Variants in ERBB4 observed in about 807,000 individuals in gnomAD.
ERBB4 encodes the protein erb-b2 receptor tyrosine kinase 4, also known as receptor tyrosine-protein kinase erbB-4.
ERBB4 carries 42 observed loss-of-function variants against 158.0 expected under a neutral mutation model. The ratio of observed to expected loss-of-function variants is 0.27; its 90% CI spans 0.21 to 0.34. The LOEUF is 0.34. Ranked by LOEUF, ERBB4 falls within the 10% of genes least tolerant of loss-of-function variation. The probability of loss-of-function intolerance (pLI) is 1.00; values close to 1 mark genes in which losing one functional copy is unlikely to be tolerated. For synonymous variants in ERBB4, 583 were observed against 558.7 expected (o/e 1.04, Z -0.61); for missense variants, 1,333 against 1,624.1 (o/e 0.82, Z 3.08).
At chr2:212,440,064 T>C (rs574339456) in intron 1 of ERBB4, among the ~76,000 whole-genome samples, 4 of 152,338 alleles carry the variant, frequency 2.6e-5, no homozygotes, top group African/African-American at 7.2e-5. Context: ...AGTAGAAAGA[T>C]AGTAACAATA....
chr2:211,387,271 G>C (rs572076463), intron 26 of ERBB4, 121 bp from the exon 27 acceptor site: 2 of 878,838 alleles, frequency 2.3e-6, no homozygotes, highest in Non-Finnish European at 3.8e-6. Context: ...GTATTTACTG[G>C]TTTTTTTTCC....
At chr2:212,289,174 A>C (rs988458756) in intron 1 of ERBB4, among the ~76,000 whole-genome samples, 1 of 152,214 alleles carries the variant, frequency 6.6e-6, no homozygotes, top group Non-Finnish European at 1.5e-5. Context: ...ATTGCTTTCC[A>C]CTAATATTAA....
intron 2 of ERBB4, among the ~76,000 whole-genome samples, chr2:212,113,573 CAAAAAAAAAAAAAAAA>C (rs35545899): frequency 6.2e-5 from 4 of 64,244 alleles, no homozygotes; most frequent in South Asian, 7.9e-4. Flanking sequence ...GACTCCATCT[CAAAAAAAAAAAAAAAA>C]AAAAAAAAAA....
intron 2 of ERBB4, among the ~76,000 whole-genome samples, chr2:212,108,776 A>G (rs1211729337): frequency 6.8e-6 from 1 of 146,454 alleles, no homozygotes; most frequent in East Asian, 2.0e-4. Flanking sequence ...CTGAGGAAGT[A>G]GCGTCACATT....
At chr2:211,771,371 A>G (rs911432606) in intron 4 of ERBB4, among the ~76,000 whole-genome samples, 2 of 152,236 alleles carry the variant, frequency 1.3e-5, no homozygotes, top group African/African-American at 4.8e-5. Context: ...AACTGAATCT[A>G]AACATAGTTG....
At chr2:212,535,989 A>G (rs1394130621) in intron 1 of ERBB4, among the ~76,000 whole-genome samples, 1 of 152,224 alleles carries the variant, frequency 6.6e-6, no homozygotes, top group Non-Finnish European at 1.5e-5. Context: ...TAATAATGCG[A>G]GAAGCAGATT....
At chr2:211,977,158 G>A (rs954798329) in intron 2 of ERBB4, among the ~76,000 whole-genome samples, 26 of 152,088 alleles carry the variant, frequency 1.7e-4, no homozygotes, top group South Asian at 2.1e-4. Flanking sequence ...AAGTGCCAGT[G>A]GGCATACTGC....
intron 2 of ERBB4, among the ~76,000 whole-genome samples, chr2:212,116,737 T>C (rs1201920204): frequency 1.3e-5 from 2 of 152,174 alleles, no homozygotes; most frequent in Non-Finnish European, 2.9e-5. Flanking sequence ...CATCAGCCTA[T>C]TGAAAATATT....
intron 5 of ERBB4, among the ~76,000 whole-genome samples, chr2:211,741,733 T>C (rs1281161613): frequency 6.6e-6 from 1 of 152,182 alleles, no homozygotes; most frequent in African/African-American, 2.4e-5. Flanking sequence ...CATTAAGTAA[T>C]AGCTCCTGAA....
At chr2:211,959,262 T>G (rs972488588) in intron 2 of ERBB4, among the ~76,000 whole-genome samples, 2 of 152,098 alleles carry the variant, frequency 1.3e-5, no homozygotes, top group African/African-American at 4.8e-5. Flanking sequence ...TTCTTAATCT[T>G]ACGGTGGTTA....
intron 19 of ERBB4, among the ~76,000 whole-genome samples, chr2:211,575,618 T>C (rs2067866664): frequency 6.6e-6 from 1 of 152,220 alleles, no homozygotes; most frequent in Admixed American, 6.5e-5. Context: ...AAGGGAGATA[T>C]CTACTCTGCT....
intron 2 of ERBB4, among the ~76,000 whole-genome samples, chr2:212,005,644 CTA>C (rs1162464145): frequency 6.6e-6 from 1 of 152,070 alleles, no homozygotes; most frequent in Non-Finnish European, 1.5e-5. Context: ...TGTAGGAACA[CTA>C]TATGTAGTTC....
intron 1 of ERBB4, among the ~76,000 whole-genome samples, chr2:212,146,127 C>A (rs1355555924): frequency 5.9e-5 from 9 of 152,162 alleles, no homozygotes; most frequent in Non-Finnish European, 2.9e-5. Flanking sequence ...TATTGTTTGA[C>A]TTTGCTGTGG....
At chr2:212,293,847 C>CA (rs1201724620) in intron 1 of ERBB4, among the ~76,000 whole-genome samples, 12,540 of 63,700 alleles carry the variant, frequency 0.2, 2,865 homozygotes, top group African/African-American at 0.25. Context: ...GACTCTGTCT[C>CA]AAAAAAAAAA....
intron 3 of ERBB4, among the ~76,000 whole-genome samples, chr2:211,932,999 A>T (rs2080217911): frequency 1.3e-5 from 2 of 152,058 alleles, no homozygotes; most frequent in East Asian, 3.8e-4. Flanking sequence ...TAAATTATGC[A>T]CTGGTGATCT....
At chr2:211,601,074 T>C (rs574981894) in intron 19 of ERBB4, among the ~76,000 whole-genome samples, 1 of 152,186 alleles carries the variant, frequency 6.6e-6, no homozygotes, top group Non-Finnish European at 1.5e-5. Flanking sequence ...AAATAACATT[T>C]AAGAAATTAG....
chr2:211,796,947 T>G (rs758031119), intron 3 of ERBB4, among the ~76,000 whole-genome samples: 2 of 151,864 alleles, frequency 1.3e-5, no homozygotes, highest in Non-Finnish European at 2.9e-5. Context: ...TAGAAAAAAT[T>G]AAAACTACAT....
chr2:211,410,518 T>G (rs1574433941), intron 25 of ERBB4, among the ~76,000 whole-genome samples: 1 of 152,302 alleles, frequency 6.6e-6, no homozygotes, highest in African/African-American at 2.4e-5. Context: ...TCGAAAGGGA[T>G]ACAGGCAATT....
intron 16 of ERBB4, among the ~76,000 whole-genome samples, chr2:211,648,974 A>G (rs1443207626): frequency 6.6e-6 from 1 of 151,890 alleles, no homozygotes; most frequent in Non-Finnish European, 1.5e-5. Flanking sequence ...AGAATTTTAA[A>G]ATAACTCTCA....
Sources: gnomAD v4.1 joint callset for allele counts (sites outside exome capture counted in the v4.1 genomes callset) on GRCh38, gnomAD v4.1.1 for gene constraint, MANE v1.5 for transcripts, NCBI Gene and HGNC (gene_info 2026-07-23, HGNC 2026-07-21) for gene names.